PXN: variants seen among roughly 807,000 people sequenced by gnomAD.
PXN encodes the protein testicular tissue protein Li 134.
PXN carries 61 observed loss-of-function variants against 103.6 expected under a neutral mutation model. That is an observed-to-expected ratio of 0.59 (90% CI 0.48 to 0.73). The LOEUF (loss-of-function observed/expected upper bound fraction) is 0.73. Among genes scored for constraint, PXN ranks in the 30% least tolerant of loss-of-function variants. PXN has a pLI of 0.00. For synonymous variants in PXN, 562 were observed against 607.8 expected, an observed-to-expected ratio of 0.92 and a Z score of 1.11; for missense variants, 1,274 against 1,460.3, an observed-to-expected ratio of 0.87 and a Z score of 2.08.
At chr12:120,238,705 A>G (rs1016990509) in intron 1 of PXN, among the ~76,000 whole-genome samples, 2 of 152,214 alleles carry the variant, frequency 1.3e-5, no homozygotes, top group Non-Finnish European at 2.9e-5. Context: ...AATAGAAACA[A>G]TACTCTGAGG....
chr12:120,216,567 A>C lies in PXN; in HGVS notation c.2007T>G (p.Pro669=). ...GQLVEKVVFP[P]GSPIPLRRTI... ...TTCTTCTCAGGGGAATGGGAGAGCC[A>C]GGAGGGAAGACAACCTGGGGAGAAG... is the stretch of plus-strand genomic sequence containing the variant. The change falls in exon 9 of 15, where the codon CCT becomes CCG. Residue 669 remains proline, a synonymous_variant. Transcript: ENST00000637617. This position sits in a 1 kb window ranked among gnomAD's most constrained non-coding sequence, Gnocchi z 5.1. The C allele has an allele frequency of 7.0e-7, 1 of 1,430,702 alleles. No individual in the cohort carries two copies. Among genetic ancestry groups the C allele is most frequent in the Non-Finnish European group, 9.1e-7 (1 of 1,101,610 alleles). 88.6% of individuals were successfully genotyped at this position (1,430,702 alleles called of 1,614,324 possible).
rs1355292849 is a variant in PXN at position 120,214,560 on chromosome 12, T to C, written c.2748+265A>G. 6.6e-6 allele frequency among the ~76,000 whole-genome samples: 1 copy of C among 152,130 alleles called. No homozygotes were observed. The highest frequency in any genetic ancestry group is 2.4e-5 in the African/African-American group (1 of 41,432). On this transcript the variant is annotated intron_variant, in intron 12 of 14. Transcript: ENST00000637617. This position sits in a 1 kb window ranked among gnomAD's most constrained non-coding sequence, Gnocchi z 5.0. ...GTGAGGCCGCTGGCATCCAACTCCA[T>C]TTATCTCCTCAGGGCTCCTGAGTCC... is the stretch of plus-strand genomic sequence containing the variant.
At chr12:120,239,845 T>A (rs1889837041) in intron 1 of PXN, among the ~76,000 whole-genome samples, 3 of 152,112 alleles carry the variant, frequency 2.0e-5, no homozygotes, top group Admixed American at 1.3e-4. Context: ...GATTTCTGGC[T>A]TCCCAGGAAC....
chr12:120,222,537 G>T lies in PXN; in HGVS notation c.695+12C>A. 1 of 1,584,636 alleles carries T rather than the reference G, an allele frequency of 6.3e-7. No individual in the cohort carries two copies. The highest frequency in any genetic ancestry group is 8.6e-7 in the Non-Finnish European group (1 of 1,166,098). Reference sequence around the variant, plus strand: ...CCCTTCCCCACCTGGGGAGGGCCCAGTGGGTACTCACACGGGGCTGGGCAC... The same window carrying T: ...CCCTTCCCCACCTGGGGAGGGCCCATTGGGTACTCACACGGGGCTGGGCAC... On this transcript the variant is annotated intron_variant, in intron 5 of 14. Transcript: ENST00000637617. The surrounding 1 kb of genome is among the most constrained non-coding windows in gnomAD (Gnocchi z 4.7).
At position 120,214,980 on chromosome 12, in the gene PXN, T is replaced by A. The variant is rs777329040; in HGVS notation, c.2593A>T (p.Lys865Ter). The A allele has an allele frequency of 6.2e-7, 1 of 1,613,602 alleles. No individual in the cohort carries two copies. Among genetic ancestry groups the A allele is most frequent in the East Asian group, 2.2e-5 (1 of 44,862 alleles). Residue 865 changes from lysine to a stop codon, truncating the protein, a stop_gained, in exon 12 of 15, where the codon AAG (lysine) becomes TAG (stop). Coordinates refer to ENST00000637617, the MANE Select transcript of PXN (RefSeq NM_001385981.1). LOFTEE classifies it high-confidence loss of function. This position sits in a 1 kb window ranked among gnomAD's most constrained non-coding sequence, Gnocchi z 5.0. ...IAGQVVTAMGKTWHPEHFVCT... is the reference protein window; with the variant it reads ...IAGQVVTAMG ...ACGAAGTGCTCGGGGTGCCACGTCTTCCCCATGGCGGTCACAACCTGAGGA... is the reference window on the plus strand; with the variant it reads ...ACGAAGTGCTCGGGGTGCCACGTCTACCCCATGGCGGTCACAACCTGAGGA...
chr12:120,231,154 C>T (rs988202851), intron 1 of PXN, among the ~76,000 whole-genome samples: 1 of 152,200 alleles, frequency 6.6e-6, no homozygotes, highest in African/African-American at 2.4e-5. Context: ...ATCCTCTAAC[C>T]TCTCTGGATG....
chr12:120,261,315 T>C (rs935506320), intron 1 of PXN, among the ~76,000 whole-genome samples: 9 of 152,128 alleles, frequency 5.9e-5, no homozygotes, highest in African/African-American at 1.9e-4. Context: ...CTCAGCCTCC[T>C]GAGTAGCTGA....
intron 3 of PXN, 114 bp from the exon 4 acceptor site, chr12:120,223,113 C>G (rs752307943): frequency 1.4e-5 from 21 of 1,537,308 alleles, no homozygotes; most frequent in Admixed American, 1.1e-4. Context: ...AGTCTTCCCC[C>G]GCAAGAGGAC....
rs1036115303 is a variant in PXN, at chr12:120,228,151, C to T, written c.14-3774G>A. Among the ~76,000 whole-genome samples the T allele has an allele frequency of 3.9e-5, 6 of 152,224 alleles. No homozygotes were observed. Among genetic ancestry groups the T allele is most frequent in the Non-Finnish European group, 8.8e-5 (6 of 68,042 alleles). On this transcript the variant is annotated intron_variant, in intron 1 of 14. Transcript: ENST00000637617. The surrounding 1 kb of genome is among the most constrained non-coding windows in gnomAD (Gnocchi z 4.7). ...ATGCTGGGAGGACAGATTCCAGACA[C>T]GCTGCTCGGAAGTAGTCGGGAGACC...
intron 1 of PXN, among the ~76,000 whole-genome samples, chr12:120,241,570 G>C (rs1311272921): frequency 6.6e-6 from 1 of 152,230 alleles, no homozygotes; most frequent in Non-Finnish European, 1.5e-5. Flanking sequence ...TACAATGCCT[G>C]TCTCCGGGGA....
At chr12:120,263,518 A>G (rs886669567) in intron 1 of PXN, among the ~76,000 whole-genome samples, 6 of 152,210 alleles carry the variant, frequency 3.9e-5, no homozygotes, top group Non-Finnish European at 2.9e-5. Flanking sequence ...CAGATCTGGG[A>G]GCTAGGAATT....
In PXN at chr12:120,220,134, T is replaced by A; in HGVS notation, c.832-43A>T. ...GCAGAGGGGAGAGGAGAGAGAGAGATGAGGGGAGTGAGGACGGCTGCACCT... is the reference window on the plus strand; with the variant it reads ...GCAGAGGGGAGAGGAGAGAGAGAGAAGAGGGGAGTGAGGACGGCTGCACCT... On this transcript the variant is annotated intron_variant, in intron 6 of 14. Transcript: ENST00000637617. This position sits in a 1 kb window ranked among gnomAD's most constrained non-coding sequence, Gnocchi z 6.1. 2 of 740,016 alleles carry A rather than the reference T, an allele frequency of 2.7e-6. No individual in the cohort carries two copies. The highest frequency in any genetic ancestry group is 2.1e-6 in the Non-Finnish European group (1 of 469,336). The allele number at this position is 740,016 out of a possible 1,614,324, so 45.8% of individuals were successfully genotyped here.
intron 1 of PXN, among the ~76,000 whole-genome samples, chr12:120,243,238 A>G (rs1890467068): frequency 1.3e-5 from 2 of 152,186 alleles, no homozygotes; most frequent in Non-Finnish European, 2.9e-5. Flanking sequence ...ATCTTCTTCA[A>G]CGAGAGGATA....
chr12:120,221,902 A>AC lies in PXN; in HGVS notation c.696-145dup, dbSNP rs1268001036. 7.9e-7 allele frequency: 1 copy of AC among 1,268,132 alleles called. No homozygotes were observed. The highest frequency in any genetic ancestry group is 1.1e-6 in the Non-Finnish European group (1 of 947,298). The allele number at this position is 1,268,132 out of a possible 1,614,324, so 78.6% of individuals were successfully genotyped here. On this transcript the variant is annotated intron_variant, in intron 5 of 14. Transcript: ENST00000637617. This position sits in a 1 kb window ranked among gnomAD's most constrained non-coding sequence, Gnocchi z 6.6. The stretch of plus-strand genomic sequence containing the variant: ...CACCAGCTCCCTGTCTCTCCTGGGG[A>AC]CCCATCACTGGGTCAGAAGAAAGGG...
chr12:120,223,130 T>C, intron 3 of PXN, 131 bp from the exon 4 acceptor site: 1 of 1,467,198 alleles, frequency 6.8e-7, no homozygotes, highest in South Asian at 1.3e-5. Flanking sequence ...GGACAGAGGG[T>C]AGGGAAGGGA....
rs750911927 is a variant in PXN at position 120,215,628 on chromosome 12, G to A, written c.2335C>T (p.Arg779Trp). The A allele has an allele frequency of 1.1e-5, 17 of 1,611,826 alleles. 1 individual carries two copies. The highest frequency in any genetic ancestry group is 9.9e-5 in the South Asian group (9 of 91,008). ...QGLEQRADGE[R>W]CWAAGWPRDG... ...CGAGGCCAGCCGGCCGCCCAGCACC[G>A]CTCCCCATCCGCTCTTTGCTCCAGG... The change falls in exon 10 of 15, where the codon CGG (arginine) becomes TGG (tryptophan). Residue 779 changes from arginine to tryptophan, a missense_variant. Transcript: ENST00000637617. This position sits in a 1 kb window ranked among gnomAD's most constrained non-coding sequence, Gnocchi z 4.9.
rs573304084 is a variant in PXN, at chr12:120,225,029, T to G, written c.14-652A>C. ...GGGGGCAAGACTGCTCCATTGGCTG[T>G]TTCTGCGGAAGTCTGGCAAGCAGCC... On this transcript the variant is annotated intron_variant, in intron 1 of 14. Coordinates refer to ENST00000637617, the MANE Select transcript of PXN (RefSeq NM_001385981.1). The surrounding 1 kb of genome is among the most constrained non-coding windows in gnomAD (Gnocchi z 4.4). The G allele has an allele frequency of 3.8e-6, 1 of 261,576 alleles. No individual in the cohort carries two copies. Among genetic ancestry groups the G allele is most frequent in the East Asian group, 9.4e-5 (1 of 10,666 alleles). 16.2% of individuals were successfully genotyped at this position (261,576 alleles called of 1,614,324 possible). A position where few individuals can be genotyped will look rare whatever the true frequency, so the allele number is the denominator to read the frequency against.
In PXN at chr12:120,265,480, C is replaced by T. The variant is rs1594555434; in HGVS notation, c.13+137G>A. ...GTTAGGGATCCCAGCCCCGCGGAGC[C>T]CCGGCCGGCAGGGACAGGAGCTGAG... On this transcript the variant is annotated intron_variant, in intron 1 of 14. Transcript: ENST00000637617. This position sits in a 1 kb window ranked among gnomAD's most constrained non-coding sequence, Gnocchi z 5.7. 25 of 1,033,476 alleles carry T rather than the reference C, an allele frequency of 2.4e-5. No homozygotes were observed. The South Asian group carries it at 4.2e-4, about 17-fold the overall frequency. The allele number at this position is 1,033,476 out of a possible 1,614,324, so 64.0% of individuals were successfully genotyped here.
In PXN at chr12:120,213,758, G is replaced by C. The variant is rs929219476; in HGVS notation, c.2979+84C>G. On this transcript the variant is annotated intron_variant, in intron 14 of 14. Coordinates refer to ENST00000637617, the MANE Select transcript of PXN (RefSeq NM_001385981.1). This position sits in a 1 kb window ranked among gnomAD's most constrained non-coding sequence, Gnocchi z 4.2. ...TAACCCCAAATGAGGCCTCTGAGTT[G>C]GATCCAGACAGCACAATGAGGAAGA... is the stretch of plus-strand genomic sequence containing the variant. 2.6e-6 allele frequency: 4 copies of C among 1,510,682 alleles called. No homozygotes were observed. The highest frequency in any genetic ancestry group is 1.2e-5 in the South Asian group (1 of 82,224). The allele number at this position is 1,510,682 out of a possible 1,614,324, so 93.6% of individuals were successfully genotyped here. A position where few individuals can be genotyped will look rare whatever the true frequency, so the allele number is the denominator to read the frequency against.
Sources: gnomAD v4.1 joint callset for allele counts (sites outside exome capture counted in the v4.1 genomes callset) on GRCh38, gnomAD v4.1.1 for gene constraint, Gnocchi (gnomAD v3.1) non-coding constraint, MANE v1.5 for transcripts, NCBI Gene and HGNC (gene_info 2026-07-23, HGNC 2026-07-21) for gene names.